The following CATSPERD variants were observed in gnomAD, a reference collection of about 807,000 sequenced individuals.
CATSPERD encodes catsper channel auxiliary subunit delta, also known as cation channel sperm-associated auxiliary subunit delta.
Under a neutral mutation model 98.1 loss-of-function variants are expected in CATSPERD, and 86 were observed. That is an observed-to-expected ratio of 0.88 (90% CI 0.74 to 1.05). CATSPERD has a LOEUF of 1.05. Among genes scored for constraint, CATSPERD ranks in the 50% least tolerant of loss-of-function variants. CATSPERD has a pLI of 0.00. For synonymous variants in CATSPERD, 394 were observed against 390.2 expected, an observed-to-expected ratio of 1.01 and a Z score of -0.12; for missense variants, 995 against 1,005.7, an observed-to-expected ratio of 0.99 and a Z score of 0.14.
chr19:5,764,471 A>G (rs1357451239), intron 16 of CATSPERD, among the ~76,000 whole-genome samples: 2 of 151,058 alleles, frequency 1.3e-5, no homozygotes, highest in Non-Finnish European at 2.9e-5. Context: ...GCCTGCCACC[A>G]TGCCTGGCTA....
At position 5,736,236 on chromosome 19, in the gene CATSPERD, A is replaced by G. The variant is rs138905320; in HGVS notation, c.392-902A>G. Reference sequence around the variant, plus strand: ...CAACTGGGGGCAGTTCTGTCCCCCAAGAGGACACTTGGCAATGTCTGGAGA... The same window carrying G: ...CAACTGGGGGCAGTTCTGTCCCCCAGGAGGACACTTGGCAATGTCTGGAGA... On this transcript the variant is annotated intron_variant, in intron 5 of 21. Coordinates refer to ENST00000381624, the MANE Select transcript of CATSPERD (RefSeq NM_152784.4). 1.9e-4 allele frequency among the ~76,000 whole-genome samples: 29 copies of G among 152,168 alleles called. 1 individual carries two copies. In the East Asian group the frequency reaches 3.9e-3, roughly 20 times the overall value.
chr19:5,778,139 G>C (rs111998644), intron 21 of CATSPERD, among the ~76,000 whole-genome samples: 4,654 of 150,186 alleles, frequency 0.031, 261 homozygotes, highest in African/African-American at 0.11. Context: ...TTCAGGAGGC[G>C]GAGGTTGCAA....
At position 5,742,809 on chromosome 19, in the gene CATSPERD, A is replaced by G. The variant is rs573139944; in HGVS notation, c.574-1618A>G. 1.4e-4 allele frequency among the ~76,000 whole-genome samples: 21 copies of G among 151,920 alleles called. No homozygotes were observed. The East Asian group carries it at 3.1e-3, about 22-fold the overall frequency. On this transcript the variant is annotated intron_variant, in intron 7 of 21. Coordinates refer to ENST00000381624, the MANE Select transcript of CATSPERD (RefSeq NM_152784.4). ...GTTGCAAAAAAAGAAAAAGAAAAGA[A>G]ACTGGTTGGAGTGATGGAGCAGGAT... is the stretch of plus-strand genomic sequence containing the variant.
chr19:5,768,482 T>G (rs1396546286), intron 18 of CATSPERD, among the ~76,000 whole-genome samples: 4 of 151,774 alleles, frequency 2.6e-5, no homozygotes, highest in Non-Finnish European at 4.4e-5. Flanking sequence ...GACTACAGGT[T>G]CCCGCCACCA....
intron 12 of CATSPERD, among the ~76,000 whole-genome samples, chr19:5,753,850 G>A (rs1195071780): frequency 6.6e-6 from 1 of 151,928 alleles, no homozygotes; most frequent in Non-Finnish European, 1.5e-5. Context: ...TCCAGCCTGG[G>A]CGACAGAGCG....
At chr19:5,763,015 T>A (rs1451936086) in intron 15 of CATSPERD, among the ~76,000 whole-genome samples, 200 bp from the exon 16 acceptor site, 1 of 150,476 alleles carries the variant, frequency 6.6e-6, no homozygotes, top group Non-Finnish European at 1.5e-5. Context: ...CGTAGATGGA[T>A]GAGTGGATGG....
intron 12 of CATSPERD, among the ~76,000 whole-genome samples, chr19:5,752,533 C>T (rs549070687): frequency 5.9e-5 from 9 of 152,172 alleles, no homozygotes; most frequent in South Asian, 4.1e-4. Flanking sequence ...AGATAGTATT[C>T]GTCACCAATA....
chr19:5,768,061 T>G (rs1034244014), intron 17 of CATSPERD, 107 bp from the exon 18 acceptor site: 197 of 919,408 alleles, frequency 2.1e-4, no homozygotes, highest in Non-Finnish European at 3.2e-4. Context: ...GCTCCCAAAG[T>G]GCTGGGCCTG....
At position 5,778,702 on chromosome 19, in the gene CATSPERD, T is replaced by C. The variant is rs766723597; in HGVS notation, c.*26T>C. ...GGCCGGTCCACAGGGTCCCAACCCC[T>C]TGTCTTCAAATAAAGTATAATGTAA... On this transcript the variant is annotated 3_prime_UTR_variant, in exon 22 of 22. Coordinates refer to ENST00000381624, the MANE Select transcript of CATSPERD (RefSeq NM_152784.4). 7 of 1,581,958 alleles carry C rather than the reference T, an allele frequency of 4.4e-6. No homozygotes were observed. Among genetic ancestry groups the C allele is most frequent in the Non-Finnish European group, 6.0e-6 (7 of 1,164,142 alleles).
intron 15 of CATSPERD, among the ~76,000 whole-genome samples, chr19:5,761,064 T>G (rs2056424707): frequency 6.6e-6 from 1 of 151,924 alleles, no homozygotes; most frequent in African/African-American, 2.4e-5. Context: ...GAGACGAAGT[T>G]TCACTCTTGT....
chr19:5,762,348 C>A (rs1435969042), intron 15 of CATSPERD, among the ~76,000 whole-genome samples: 2 of 151,758 alleles, frequency 1.3e-5, no homozygotes, highest in East Asian at 3.9e-4. Flanking sequence ...ACAGGCATGA[C>A]CCACTGAGGC....
intron 9 of CATSPERD, 94 bp downstream of exon 9, chr19:5,746,157 C>T (rs1166822583): frequency 6.8e-6 from 9 of 1,327,036 alleles, no homozygotes; most frequent in Non-Finnish European, 9.4e-6. Context: ...AGGAGCAACC[C>T]CTCGACCACT....
chr19:5,773,933 C>A (rs1456626017), intron 20 of CATSPERD, among the ~76,000 whole-genome samples: 2 of 151,170 alleles, frequency 1.3e-5, no homozygotes, highest in Admixed American at 6.6e-5. Flanking sequence ...GCAAAGCCAC[C>A]AGCAGATGGT....
chr19:5,758,454 G>A (rs112790535), intron 14 of CATSPERD, among the ~76,000 whole-genome samples: 3,332 of 151,954 alleles, frequency 0.022, 112 homozygotes, highest in African/African-American at 0.077. Flanking sequence ...TTGGCTGGGC[G>A]CAGTGGCTCA....
chr19:5,748,251 T>C lies in CATSPERD; in HGVS notation c.900T>C (p.Ala300=). The change falls in exon 10 of 22, where the codon GCT becomes GCC. Residue 300 remains alanine, a synonymous_variant. Coordinates refer to ENST00000381624, the MANE Select transcript of CATSPERD (RefSeq NM_152784.4). ...FEAKITIHNI[A]VTENELAVIT... is the part of the protein sequence containing the mutation. Reference sequence around the variant, plus strand: ...CCAAGATCACCATCCACAACATTGCTGTCAGTGCGTAGCCGACCCACTGCT... The same window carrying C: ...CCAAGATCACCATCCACAACATTGCCGTCAGTGCGTAGCCGACCCACTGCT... The C allele has an allele frequency of 3.7e-6, 6 of 1,613,554 alleles. No homozygotes were observed. Among genetic ancestry groups the C allele is most frequent in the Non-Finnish European group, 3.4e-6 (4 of 1,179,534 alleles).
At chr19:5,729,004 A>ATCTC (rs148496575) in intron 3 of CATSPERD, among the ~76,000 whole-genome samples, 1,769 of 145,490 alleles carry the variant, frequency 0.012, 13 homozygotes, top group Non-Finnish European at 0.018. Context: ...CTGGCCATCC[A>ATCTC]TCTCTCTCTC....
chr19:5,766,977 G>A (rs1297404454), intron 17 of CATSPERD, among the ~76,000 whole-genome samples: 1 of 151,200 alleles, frequency 6.6e-6, no homozygotes, highest in East Asian at 2.0e-4. Flanking sequence ...ACAGGCATGA[G>A]CCACCGCAAT....
Position 5,723,712 on chromosome 19 carries a change from C to A in CATSPERD, c.72-1096C>A, listed in dbSNP as rs1054697305. Among the ~76,000 whole-genome samples, 5 of 151,884 alleles carry A rather than the reference C, an allele frequency of 3.3e-5. No homozygotes were observed. In the South Asian group the frequency reaches 8.4e-4, roughly 25 times the overall value. ...ATCTCCTGACTTCGTGATCCACCCG[C>A]CTCGGCCTCCTAAAGTGCTGGGATT... is the stretch of plus-strand genomic sequence containing the variant. On this transcript the variant is annotated intron_variant, in intron 1 of 21. Coordinates refer to ENST00000381624, the MANE Select transcript of CATSPERD (RefSeq NM_152784.4).
At chr19:5,755,128 G>A (rs941518877) in intron 13 of CATSPERD, among the ~76,000 whole-genome samples, 3 of 152,088 alleles carry the variant, frequency 2.0e-5, no homozygotes, top group African/African-American at 7.2e-5. Context: ...ACAGGCGTGA[G>A]CCACCATGCT....
Sources: gnomAD v4.1 joint callset for allele counts (sites outside exome capture counted in the v4.1 genomes callset) on GRCh38, gnomAD v4.1.1 for gene constraint, MANE v1.5 for transcripts, NCBI Gene and HGNC (gene_info 2026-07-23, HGNC 2026-07-21) for gene names.